Variants in SPIDR observed in about 807,000 individuals in gnomAD.
The protein encoded by SPIDR is DNA repair-scaffolding protein.
A neutral mutation model predicts 104.6 loss-of-function variants in SPIDR; 93 were observed. That is an observed-to-expected ratio of 0.89 (90% CI 0.75 to 1.06). The LOEUF is 1.06. Ranked by LOEUF, SPIDR falls within the 50% of genes least tolerant of loss-of-function variation. The pLI, the probability that SPIDR is intolerant of heterozygous loss-of-function variation, is 0.00. For synonymous variants in SPIDR, 431 were observed against 416.9 expected, an observed-to-expected ratio of 1.03 and a Z score of -0.41; for missense variants, 1,154 against 1,111.2, an observed-to-expected ratio of 1.04 and a Z score of -0.55.
chr8:47,436,705 G>A (rs1585683997), intron 7 of SPIDR, among the ~76,000 whole-genome samples: 1 of 152,154 alleles, frequency 6.6e-6, no homozygotes, highest in Non-Finnish European at 1.5e-5. Context: ...CCGCCTGGGC[G>A]ACAGAGCAAG....
chr8:47,407,583 T>C (rs891180699), intron 6 of SPIDR, among the ~76,000 whole-genome samples: 2 of 152,202 alleles, frequency 1.3e-5, no homozygotes, highest in African/African-American at 4.8e-5. Flanking sequence ...GAAAAATAGG[T>C]AAGCTGATAT....
At chr8:47,344,143 G>A (rs1475510783) in intron 5 of SPIDR, among the ~76,000 whole-genome samples, 1 of 135,332 alleles carries the variant, frequency 7.4e-6, no homozygotes. Context: ...GACAAGTCCC[G>A]GTGTGTGATA....
At chr8:47,390,137 G>C (rs1366636034) in intron 5 of SPIDR, among the ~76,000 whole-genome samples, 1 of 152,138 alleles carries the variant, frequency 6.6e-6, no homozygotes, top group Non-Finnish European at 1.5e-5. Flanking sequence ...CAGTGATGCT[G>C]ATAATGTGCC....
chr8:47,261,307 C>T (rs2032208456), intron 1 of SPIDR, among the ~76,000 whole-genome samples: 1 of 152,226 alleles, frequency 6.6e-6, no homozygotes, highest in Non-Finnish European at 1.5e-5. Flanking sequence ...TTACTCTTGT[C>T]TCTTTTTGAT....
At chr8:47,269,000 C>G (rs2034681600) in intron 1 of SPIDR, among the ~76,000 whole-genome samples, 1 of 151,594 alleles carries the variant, frequency 6.6e-6, no homozygotes, top group Admixed American at 6.6e-5. Flanking sequence ...AACTGAGTCT[C>G]TACAAAAAAC....
At chr8:47,634,485 C>A (rs1189293929) in intron 10 of SPIDR, among the ~76,000 whole-genome samples, 5 of 152,058 alleles carry the variant, frequency 3.3e-5, no homozygotes. Flanking sequence ...GAAAAAAGAA[C>A]TTTTCCAAAT....
intron 10 of SPIDR, among the ~76,000 whole-genome samples, chr8:47,673,116 A>G (rs2076001605): frequency 6.6e-6 from 1 of 152,190 alleles, no homozygotes; most frequent in South Asian, 2.1e-4. Flanking sequence ...TCATTTTGTG[A>G]TAAATAAGCT....
intron 8 of SPIDR, chr8:47,511,093 T>C: frequency 7.6e-7 from 1 of 1,315,962 alleles, no homozygotes; most frequent in Non-Finnish European, 1.1e-6. Context: ...GGTCCAGCTC[T>C]CGTCAGCCAG....
chr8:47,261,819 T>G (rs1164046977), intron 1 of SPIDR, among the ~76,000 whole-genome samples: 1 of 152,226 alleles, frequency 6.6e-6, no homozygotes, highest in Non-Finnish European at 1.5e-5. Context: ...TGTGACTGGC[T>G]TTAGGGAATA....
chr8:47,263,230 C>A (rs965606164), intron 1 of SPIDR, among the ~76,000 whole-genome samples: 9 of 152,210 alleles, frequency 5.9e-5, no homozygotes, highest in African/African-American at 1.9e-4. Context: ...TTATTCACAG[C>A]CTCCATAATA....
chr8:47,673,150 A>G (rs2076004074), intron 10 of SPIDR, among the ~76,000 whole-genome samples: 1 of 152,266 alleles, frequency 6.6e-6, no homozygotes. Context: ...TTACAAAATA[A>G]GAGGATTGGA....
intron 8 of SPIDR, among the ~76,000 whole-genome samples, chr8:47,586,077 T>G (rs1048470658): frequency 1.3e-5 from 2 of 152,246 alleles, no homozygotes; most frequent in African/African-American, 4.8e-5. Flanking sequence ...CTGTTTCTTT[T>G]TATTGCTGAA....
chr8:47,540,291 T>C (rs1333370297), intron 8 of SPIDR, among the ~76,000 whole-genome samples: 1 of 152,172 alleles, frequency 6.6e-6, no homozygotes, highest in East Asian at 1.9e-4. Context: ...AAAATAAATA[T>C]TGATGTCATC....
intron 8 of SPIDR, among the ~76,000 whole-genome samples, chr8:47,494,145 T>G (rs976568715): frequency 2.0e-5 from 3 of 152,038 alleles, no homozygotes; most frequent in Non-Finnish European, 4.4e-5. Flanking sequence ...TGTGCCACCA[T>G]GCCTGGCTAG....
chr8:47,485,467 G>A (rs1554730376), intron 8 of SPIDR, among the ~76,000 whole-genome samples: 1 of 152,234 alleles, frequency 6.6e-6, no homozygotes, highest in African/African-American at 2.4e-5. Context: ...AACCTCTGCA[G>A]ACTTAAATGT....
chr8:47,324,702 T>A (rs1185636811), intron 5 of SPIDR, among the ~76,000 whole-genome samples: 4 of 152,170 alleles, frequency 2.6e-5, no homozygotes, highest in African/African-American at 9.7e-5. Context: ...AGTTCACCAA[T>A]TACTTGGAAG....
chr8:47,559,693 A>G (rs1465871425), intron 8 of SPIDR, among the ~76,000 whole-genome samples: 3 of 152,192 alleles, frequency 2.0e-5, no homozygotes, highest in South Asian at 2.1e-4. Context: ...AAAGATGAGA[A>G]CAAGGGGCAG....
intron 10 of SPIDR, among the ~76,000 whole-genome samples, chr8:47,601,751 A>G (rs541841920): frequency 2.2e-4 from 34 of 152,300 alleles, no homozygotes; most frequent in African/African-American, 8.2e-4. Flanking sequence ...AGGCTGACCC[A>G]GGGTCAAGTT....
chr8:47,538,493 G>A (rs918545366), intron 8 of SPIDR, among the ~76,000 whole-genome samples: 145 of 152,222 alleles, frequency 9.5e-4, no homozygotes, highest in African/African-American at 3.3e-3. Flanking sequence ...GCAATGAGAC[G>A]AGATCATGCC....
Sources: gnomAD v4.1 joint callset for allele counts (sites outside exome capture counted in the v4.1 genomes callset) on GRCh38, gnomAD v4.1.1 for gene constraint, MANE v1.5 for transcripts, NCBI Gene and HGNC (gene_info 2026-07-23, HGNC 2026-07-21) for gene names.